Variants in USP13 observed in about 807,000 individuals in gnomAD.
USP13 encodes ubiquitin carboxyl-terminal hydrolase 13.
In USP13, 68 loss-of-function variants were observed where a neutral mutation model predicts 107.8. The observed-to-expected ratio is 0.63, with a 90% confidence interval of 0.52 to 0.77. The LOEUF is 0.77. Among genes scored for constraint, USP13 ranks in the 30% least tolerant of loss-of-function variants. The pLI, the probability that USP13 is intolerant of heterozygous loss-of-function variation, is 0.00. For missense variants in USP13, 945 were observed against 1,093.3 expected (o/e 0.86, Z 1.91); for synonymous variants, 377 against 389.5 (o/e 0.97, Z 0.38).
At chr3:179,752,691 A>G (rs183872280) in intron 14 of USP13, among the ~76,000 whole-genome samples, 48 of 152,352 alleles carry the variant, frequency 3.2e-4, no homozygotes, top group African/African-American at 8.2e-4. Context: ...TAAAATGCAG[A>G]TGCAGATTGG....
intron 2 of USP13, among the ~76,000 whole-genome samples, chr3:179,689,372 T>C (rs1309350816): frequency 6.6e-6 from 1 of 152,122 alleles, no homozygotes; most frequent in Non-Finnish European, 1.5e-5. Context: ...AAATACACGA[T>C]GCTGGGTGGG....
chr3:179,742,367 G>A lies in USP13; in HGVS notation c.1534+17G>A, dbSNP rs750053586. ...CCAACAAGGGTAACAATTCCAAAGCGGGAAATTGGTACTGTGTGTCTTCAT... is the reference window on the plus strand; with the variant it reads ...CCAACAAGGGTAACAATTCCAAAGCAGGAAATTGGTACTGTGTGTCTTCAT... On this transcript the variant is annotated intron_variant, in intron 12 of 20. Coordinates refer to ENST00000263966, the MANE Select transcript of USP13 (RefSeq NM_003940.3). The surrounding 1 kb of genome is among the most constrained non-coding windows in gnomAD (Gnocchi z 5.0). The A allele has an allele frequency of 2.5e-6, 4 of 1,613,944 alleles. No homozygotes were observed. Among genetic ancestry groups the A allele is most frequent in the East Asian group, 4.5e-5 (2 of 44,870 alleles).
intron 2 of USP13, among the ~76,000 whole-genome samples, chr3:179,688,476 CTG>C (rs1711975795): frequency 6.6e-6 from 1 of 152,190 alleles, no homozygotes; most frequent in Non-Finnish European, 1.5e-5. Context: ...AGTTGGAAGT[CTG>C]AGCTCCAGCA....
chr3:179,688,697 C>T (rs531898011), intron 2 of USP13, among the ~76,000 whole-genome samples: 72 of 152,226 alleles, frequency 4.7e-4, no homozygotes, highest in African/African-American at 1.6e-3. Flanking sequence ...GTTATCCTTC[C>T]GGCATCATGC....
At chr3:179,780,926 A>G (rs534943909) in intron 19 of USP13, among the ~76,000 whole-genome samples, 31 of 152,338 alleles carry the variant, frequency 2.0e-4, no homozygotes, top group African/African-American at 7.2e-4. Context: ...CATTTACTCT[A>G]AAGTCTTGTA....
At chr3:179,753,934 G>A (rs1327173280) in intron 14 of USP13, among the ~76,000 whole-genome samples, 1 of 152,082 alleles carries the variant, frequency 6.6e-6, no homozygotes, top group African/African-American at 2.4e-5. Context: ...GTTAAAAAAA[G>A]TACTGTAAAG....
At chr3:179,671,372 C>T in intron 1 of USP13, among the ~76,000 whole-genome samples, 1 of 152,232 alleles carries the variant, frequency 6.6e-6, no homozygotes, top group South Asian at 2.1e-4. Flanking sequence ...AGTTAAAAAA[C>T]TTTTATTTAT....
At chr3:179,727,619 C>T (rs1309301142) in intron 8 of USP13, among the ~76,000 whole-genome samples, 2 of 94,594 alleles carry the variant, frequency 2.1e-5, no homozygotes, top group South Asian at 7.0e-4. Context: ...CCCCACCCTT[C>T]CCCCCTTTCT....
intron 19 of USP13, among the ~76,000 whole-genome samples, chr3:179,775,082 G>T (rs1448089820): frequency 6.6e-6 from 1 of 152,022 alleles, no homozygotes; most frequent in Non-Finnish European, 1.5e-5. Context: ...CAATCCTTTA[G>T]CTAGTCACAA....
intron 1 of USP13, among the ~76,000 whole-genome samples, chr3:179,671,113 T>C (rs1576913615): frequency 6.6e-6 from 1 of 151,904 alleles, no homozygotes; most frequent in Non-Finnish European, 1.5e-5. Flanking sequence ...ATTAACCAGG[T>C]GTGGTGGTGG....
intron 1 of USP13, among the ~76,000 whole-genome samples, chr3:179,669,429 AG>A (rs1398179261): frequency 6.6e-6 from 1 of 152,068 alleles, no homozygotes; most frequent in Non-Finnish European, 1.5e-5. Context: ...ACTGGACTCC[AG>A]CCTGGGCAAA....
At chr3:179,701,314 T>C (rs553327333) in intron 4 of USP13, among the ~76,000 whole-genome samples, 185 bp downstream of exon 4, 2 of 152,328 alleles carry the variant, frequency 1.3e-5, no homozygotes, top group East Asian at 3.9e-4. Flanking sequence ...TCTTGCCGGC[T>C]TACATTTCAG....
At chr3:179,761,064 A>G (rs781158037) in intron 16 of USP13, 48 bp from the exon 17 acceptor site, 1 of 1,610,868 alleles carries the variant, frequency 6.2e-7, no homozygotes, top group Non-Finnish European at 8.5e-7. Flanking sequence ...TAAGACAAGA[A>G]GCGACAGTTT....
chr3:179,680,719 T>A (rs1407396130), intron 1 of USP13, among the ~76,000 whole-genome samples: 1 of 152,080 alleles, frequency 6.6e-6, no homozygotes, highest in African/African-American at 2.4e-5. Context: ...ATTTTTGTAT[T>A]CTTAGTAGAG....
chr3:179,756,374 G>A (rs570310860), intron 15 of USP13, among the ~76,000 whole-genome samples: 10 of 152,176 alleles, frequency 6.6e-5, no homozygotes, highest in African/African-American at 2.4e-4. Context: ...TTGCGCCACT[G>A]CATTCCAGCC....
At chr3:179,739,651 G>A (rs937858855) in intron 10 of USP13, among the ~76,000 whole-genome samples, 25 of 151,636 alleles carry the variant, frequency 1.6e-4, no homozygotes, top group Non-Finnish European at 2.7e-4. Context: ...TTCACCTCCC[G>A]GGTTCAAGCG....
chr3:179,663,855 T>C (rs905504363), intron 1 of USP13, among the ~76,000 whole-genome samples: 5 of 152,228 alleles, frequency 3.3e-5, no homozygotes, highest in Non-Finnish European at 5.9e-5. Flanking sequence ...GAATGCATTC[T>C]CTCACCCTCA....
At chr3:179,757,827 G>C (rs1714858418) in intron 16 of USP13, among the ~76,000 whole-genome samples, 1 of 152,172 alleles carries the variant, frequency 6.6e-6, no homozygotes, top group Non-Finnish European at 1.5e-5. Flanking sequence ...TTTGCCGATT[G>C]TTAGAGGAGT....
At chr3:179,771,991 G>A (rs1404848097) in intron 19 of USP13, among the ~76,000 whole-genome samples, 4 of 152,190 alleles carry the variant, frequency 2.6e-5, no homozygotes, top group Non-Finnish European at 5.9e-5. Flanking sequence ...TGCTTATAGG[G>A]AGGTATTCTG....
Sources: allele counts gnomAD v4.1 joint callset (sites outside exome capture counted in the v4.1 genomes callset), GRCh38; gene constraint gnomAD v4.1.1; non-coding constraint Gnocchi (gnomAD v3.1); transcripts MANE v1.5; gene names NCBI Gene and HGNC (gene_info 2026-07-23, HGNC 2026-07-21).